Variants in CASK observed in about 807,000 individuals in gnomAD.
CASK encodes calcium/calmodulin dependent serine protein kinase.
CASK carries 4 observed loss-of-function variants against 82.9 expected under a neutral mutation model. That is an observed-to-expected ratio of 0.05 (90% CI 0.02 to 0.11). CASK has a LOEUF of 0.11. Ranked by LOEUF, CASK falls within the 10% of genes least tolerant of loss-of-function variation. The probability of loss-of-function intolerance (pLI) is 1.00; values close to 1 mark genes in which losing one functional copy is unlikely to be tolerated. For synonymous variants in CASK, 259 were observed against 253.5 expected (o/e 1.02, Z -0.20); for missense variants, 358 against 720.9 (o/e 0.50, Z 5.76).
chrX:41,685,404 C>T lies in CASK; in HGVS notation c.430-13874G>A, dbSNP rs368944770. Reference sequence around the variant, plus strand: ...AAATAAGAAAATATGTACAAATATTCAAAATTTCCACATAACAATATATTC... The same window carrying T: ...AAATAAGAAAATATGTACAAATATTTAAAATTTCCACATAACAATATATTC... On this transcript the variant is annotated intron_variant, in intron 5 of 26. Transcript: ENST00000378163. Among the ~76,000 whole-genome samples the T allele has an allele frequency of 5.3e-5, 6 of 112,373 alleles. No homozygotes were observed. In the East Asian group the frequency reaches 1.7e-3, roughly 31 times the overall value.
chrX:41,600,799 G>C (rs1444549582), intron 12 of CASK, among the ~76,000 whole-genome samples: 1 of 111,900 alleles, frequency 8.9e-6, no homozygotes, highest in Non-Finnish European at 1.9e-5. Flanking sequence ...CGATTAGACA[G>C]CCTTATTCTG....
chrX:41,833,328 C>T (rs923126542), intron 2 of CASK, among the ~76,000 whole-genome samples: 8 of 111,896 alleles, frequency 7.1e-5, no homozygotes, highest in Admixed American at 1.9e-4. Flanking sequence ...GAATAAAGTA[C>T]TGATACCTGC....
chrX:41,683,809 A>ATG (rs765498706), intron 5 of CASK, among the ~76,000 whole-genome samples: 4 of 111,609 alleles, frequency 3.6e-5, no homozygotes, highest in Non-Finnish European at 3.8e-5. Flanking sequence ...GTGCTTCAGA[A>ATG]TGTGTGTGTA....
rs35528568 is a variant in CASK at position 41,890,892 on chromosome X, CTT to C, written c.59+32036_59+32037del. Among the ~76,000 whole-genome samples the C allele has an allele frequency of 2.9e-3, 277 of 96,777 alleles. 1 individual carries two copies. Among genetic ancestry groups the C allele is most frequent in the African/African-American group, 9.1e-3 (246 of 27,016 alleles). The allele number at this position is 96,777 out of a possible 115,157, so 84.0% of individuals were successfully genotyped here. A position where few individuals can be genotyped will look rare whatever the true frequency, so the allele number is the denominator to read the frequency against. On this transcript the variant is annotated intron_variant, in intron 1 of 26. Transcript: ENST00000378163. ...GGTTGTGTAGGTGTTACTATAATTT[CTT>C]TTTTTTTTTTTTTGAGACAGTCTCA... is the stretch of plus-strand genomic sequence containing the variant.
chrX:41,781,333 T>C, intron 3 of CASK, among the ~76,000 whole-genome samples: 1 of 112,371 alleles, frequency 8.9e-6, no homozygotes, highest in Non-Finnish European at 1.9e-5. Context: ...GGAGTGTTGG[T>C]TATACATAGT....
At chrX:41,719,620 A>G (rs1304996945) in intron 5 of CASK, among the ~76,000 whole-genome samples, 2 of 112,075 alleles carry the variant, frequency 1.8e-5, no homozygotes, top group Non-Finnish European at 3.8e-5. Context: ...GTTTTGCCAC[A>G]AGAGTACACT....
intron 5 of CASK, chrX:41,696,419 C>T: frequency 5.1e-6 from 6 of 1,185,253 alleles, no homozygotes; most frequent in Non-Finnish European, 5.7e-6. Flanking sequence ...GTAAATATGC[C>T]ACTACAGCTC....
chrX:41,719,009 T>C (rs969958836), intron 5 of CASK, among the ~76,000 whole-genome samples: 3 of 112,501 alleles, frequency 2.7e-5, no homozygotes, highest in African/African-American at 9.7e-5. Flanking sequence ...AAATCAATTG[T>C]TCAGCATTCC....
rs186170212 is a variant in CASK at position 41,789,247 on chromosome X, T to C, written c.173-1964A>G. Among the ~76,000 whole-genome samples, 243 of 112,105 alleles carry C rather than the reference T, an allele frequency of 2.2e-3. 1 individual carries two copies. The highest frequency in any genetic ancestry group is 7.4e-3 in the African/African-American group (229 of 30,860). On this transcript the variant is annotated intron_variant, in intron 2 of 26. Transcript: ENST00000378163. The stretch of plus-strand genomic sequence containing the variant: ...TATGGTGCTGGTCCTGCCTTTGTCC[T>C]ACCATCTGCAAGCTGACTGCTAACT...
chrX:41,837,580 A>T (rs1426504473), intron 2 of CASK, among the ~76,000 whole-genome samples: 4 of 112,444 alleles, frequency 3.6e-5, no homozygotes, highest in Non-Finnish European at 7.5e-5. Flanking sequence ...ACTTATATAA[A>T]GGAAATCATA....
At chrX:41,764,743 T>C (rs1473993743) in intron 3 of CASK, among the ~76,000 whole-genome samples, 2 of 111,895 alleles carry the variant, frequency 1.8e-5, no homozygotes, top group African/African-American at 3.3e-5. Context: ...ACAATGGCAA[T>C]GGCCTCCCAA....
intron 2 of CASK, among the ~76,000 whole-genome samples, chrX:41,809,994 T>A (rs932667634): frequency 8.9e-6 from 1 of 111,912 alleles, no homozygotes; most frequent in Non-Finnish European, 1.9e-5. Context: ...TATCAGTGAC[T>A]GAAGATCAAA....
intron 1 of CASK, among the ~76,000 whole-genome samples, chrX:41,887,296 C>CCACACACACACACACACACA (rs3055225): frequency 1.2e-5 from 1 of 83,509 alleles, no homozygotes; most frequent in Admixed American, 1.4e-4. Context: ...CTAGTTGAGT[C>CCACACACACACACACACACA]CACACACACA....
At chrX:41,868,230 C>T (rs1150377) in intron 1 of CASK, among the ~76,000 whole-genome samples, 21,341 of 110,929 alleles carry the variant, frequency 0.19, 1,628 homozygotes, top group Middle Eastern at 0.3. Flanking sequence ...GAATCCTTTA[C>T]TTTATATCAA....
rs150986626 is a variant in CASK at position 41,626,364 on chromosome X, T to C, written c.1015+240A>G. ...AGAGTGTGGAAAGGGGAAGAAGTAT[T>C]ACTGAGGTGAAAAGAAAAAAAAATG... On this transcript the variant is annotated intron_variant, in intron 10 of 26. Transcript: ENST00000378163. 7.2e-3 allele frequency among the ~76,000 whole-genome samples: 800 copies of C among 111,098 alleles called. 1 individual carries two copies. Among genetic ancestry groups the C allele is most frequent in the Middle Eastern group, 0.018 (4 of 218 alleles).
Position 41,605,274 on chromosome X carries a change from C to A in CASK, c.1155+4630G>T, listed in dbSNP as rs73193113. Among the ~76,000 whole-genome samples, 1,039 of 111,357 alleles carry A rather than the reference C, an allele frequency of 9.3e-3. 11 individuals are homozygous for A. Among genetic ancestry groups the A allele is most frequent in the Non-Finnish European group, 0.016 (829 of 52,993 alleles). On this transcript the variant is annotated intron_variant, in intron 12 of 26. Transcript: ENST00000378163. ...TTAATTCATGGTCCATAAAACTATG[C>A]CCCCTGGGTGTCCCTACTTGGAATC... is the stretch of plus-strand genomic sequence containing the variant.
intron 8 of CASK, among the ~76,000 whole-genome samples, chrX:41,641,217 T>C (rs757416703): frequency 9.0e-6 from 1 of 110,770 alleles, no homozygotes; most frequent in South Asian, 3.8e-4. Flanking sequence ...CTGAATTAAA[T>C]AGTATCTCCT....
At chrX:41,782,974 G>A (rs1452185025) in intron 3 of CASK, among the ~76,000 whole-genome samples, 2 of 110,746 alleles carry the variant, frequency 1.8e-5, no homozygotes, top group African/African-American at 6.6e-5. Context: ...ATGAAACACC[G>A]TCTCTTCAAA....
intron 2 of CASK, among the ~76,000 whole-genome samples, chrX:41,806,592 A>G (rs1471033753): frequency 8.9e-6 from 1 of 112,381 alleles, no homozygotes; most frequent in African/African-American, 3.2e-5. Flanking sequence ...AGTAGACAAT[A>G]AATGTTTATC....
Sources: gnomAD v4.1 joint callset for allele counts (sites outside exome capture counted in the v4.1 genomes callset) on GRCh38, gnomAD v4.1.1 for gene constraint, MANE v1.5 for transcripts, NCBI Gene and HGNC (gene_info 2026-07-23, HGNC 2026-07-21) for gene names.